GSDME: variants seen among roughly 807,000 people sequenced by gnomAD.
GSDME encodes gasdermin E.
Under a neutral mutation model 47.5 loss-of-function variants are expected in GSDME, and 44 were observed. That is an observed-to-expected ratio of 0.93 (90% confidence interval 0.73 to 1.19). The LOEUF is 1.19. Among genes scored for constraint, GSDME ranks in the 50% most tolerant of loss-of-function variants. The pLI is 0.00. For missense variants in GSDME, 663 were observed against 604.2 expected (o/e 1.10, Z -1.02); for synonymous variants, 258 against 252.8 (o/e 1.02, Z -0.20).
At position 24,743,650 on chromosome 7, in the gene GSDME, C is replaced by T. The variant is rs75321109; in HGVS notation, c.404+912G>A. ...GGCGCCCCACCCCTTTCAGCCCCTCCGACTCTCCTTTCCTGCCCTCCCCTT... is the reference window on the plus strand; with the variant it reads ...GGCGCCCCACCCCTTTCAGCCCCTCTGACTCTCCTTTCCTGCCCTCCCCTT... On this transcript the variant is annotated intron_variant, in intron 3 of 9. Coordinates refer to ENST00000645220, the MANE Select transcript of GSDME (RefSeq NM_001127453.2). 3.7e-3 allele frequency among the ~76,000 whole-genome samples: 568 copies of T among 152,284 alleles called. 4 individuals carry two copies. The highest frequency in any genetic ancestry group is 0.013 in the African/African-American group (538 of 41,546).
At chr7:24,722,182 T>C (rs1051291664) in intron 3 of GSDME, among the ~76,000 whole-genome samples, 1 of 152,198 alleles carries the variant, frequency 6.6e-6, no homozygotes, top group African/African-American at 2.4e-5. Context: ...TCAGGAAATA[T>C]TTTTGGAATA....
chr7:24,769,425 A>T, the GSDME span, among the ~76,000 whole-genome samples: 1 of 152,198 alleles, frequency 6.6e-6, no homozygotes, highest in Non-Finnish European at 1.5e-5. Flanking sequence ...ATTTTGAAAC[A>T]TGCCAGAGCA....
At chr7:24,729,067 GA>G (rs1464151267) in intron 3 of GSDME, among the ~76,000 whole-genome samples, 4 of 152,154 alleles carry the variant, frequency 2.6e-5, no homozygotes, top group African/African-American at 4.8e-5. Flanking sequence ...ACGACCCCTG[GA>G]AAGAGAAAGG....
chr7:24,767,708 A>T, the GSDME span, among the ~76,000 whole-genome samples: 1 of 152,128 alleles, frequency 6.6e-6, no homozygotes. This position sits in a 1 kb window ranked among gnomAD's most constrained non-coding sequence, Gnocchi z 5.3. Flanking sequence ...TCTGGGATAA[A>T]GTTAAATTAA....
rs1790219183 is a variant in GSDME, at chr7:24,733,834, C to G, written c.404+10728G>C. 6.6e-6 allele frequency among the ~76,000 whole-genome samples: 1 copy of G among 152,228 alleles called. No homozygotes were observed. The highest frequency in any genetic ancestry group is 1.5e-5 in the Non-Finnish European group (1 of 68,036). On this transcript the variant is annotated intron_variant, in intron 3 of 9. Transcript: ENST00000645220. The surrounding 1 kb of genome is among the most constrained non-coding windows in gnomAD (Gnocchi z 4.3). ...CTCCTGGACAGCATCTCTGGACCCA[C>G]CTGGGGCCCCAGGGAAATCACCTCA...
At chr7:24,759,877 A>C (rs2521772), upstream of GSDME, among the ~76,000 whole-genome samples, 1 of 151,934 alleles carries the variant, frequency 6.6e-6, no homozygotes, top group African/African-American at 2.4e-5. Context: ...TAACTTTTTT[A>C]AAAAAATAAT....
In GSDME at chr7:24,716,504, C is replaced by T. The variant is rs78127452; in HGVS notation, c.697+750G>A. 6.2e-3 allele frequency: 944 copies of T among 152,710 alleles called. 36 individuals are homozygous for T. The East Asian group carries it at 0.092, about 15-fold the overall frequency. The allele number at this position is 152,710 out of a possible 1,614,324, so 9.5% of individuals were successfully genotyped here. ...TTTACCCACTCATGTCCCTAAGGAG[C>T]GGTCACACAGCTTTCATGAGTGAAC... On this transcript the variant is annotated intron_variant, in intron 5 of 9. Coordinates refer to ENST00000645220, the MANE Select transcript of GSDME (RefSeq NM_001127453.2). This position sits in a 1 kb window ranked among gnomAD's most constrained non-coding sequence, Gnocchi z 4.5.
At position 24,716,999 on chromosome 7, in the gene GSDME, G is replaced by A; in HGVS notation, c.697+255C>T. 1.9e-6 allele frequency: 1 copy of A among 515,138 alleles called. No individual in the cohort carries two copies. Among genetic ancestry groups the A allele is most frequent in the Non-Finnish European group, 3.5e-6 (1 of 281,940 alleles). 31.9% of individuals were successfully genotyped at this position (515,138 alleles called of 1,614,324 possible). ...AGGACACAGCCCAGCCCTCTACTGTGCTGGTGGAACTTTGCCCCACACCAA... is the reference window on the plus strand; with the variant it reads ...AGGACACAGCCCAGCCCTCTACTGTACTGGTGGAACTTTGCCCCACACCAA... On this transcript the variant is annotated intron_variant, in intron 5 of 9. Coordinates refer to ENST00000645220, the MANE Select transcript of GSDME (RefSeq NM_001127453.2). The surrounding 1 kb of genome is among the most constrained non-coding windows in gnomAD (Gnocchi z 4.5).
upstream of GSDME, among the ~76,000 whole-genome samples, chr7:24,758,279 T>C (rs1486609535): frequency 6.6e-6 from 1 of 152,254 alleles, no homozygotes; most frequent in Non-Finnish European, 1.5e-5. This position sits in a 1 kb window ranked among gnomAD's most constrained non-coding sequence, Gnocchi z 4.6. Context: ...GAAGGCTGCA[T>C]TGGCATCACC....
chr7:24,787,126 C>A, the GSDME span, among the ~76,000 whole-genome samples: 1 of 152,134 alleles, frequency 6.6e-6, no homozygotes, highest in Non-Finnish European at 1.5e-5. The surrounding 1 kb of genome is among the most constrained non-coding windows in gnomAD (Gnocchi z 5.0). Flanking sequence ...TGAGGAAACA[C>A]GAGATACTGT....
At chr7:24,710,841 A>T (rs1377827639) in intron 5 of GSDME, among the ~76,000 whole-genome samples, 1 of 152,210 alleles carries the variant, frequency 6.6e-6, no homozygotes, top group East Asian at 1.9e-4. Context: ...ATGTTTCTAT[A>T]ATATATAGAA....
rs367797447 is a variant in GSDME, at chr7:24,742,863, A to G, written c.404+1699T>C. Reference sequence around the variant, plus strand: ...TCAAATACATTTCTAGTGTGTCCCAACAATTGCAGTTGAGAAGGAAAATGG... The same window carrying G: ...TCAAATACATTTCTAGTGTGTCCCAGCAATTGCAGTTGAGAAGGAAAATGG... On this transcript the variant is annotated intron_variant, in intron 3 of 9. Coordinates refer to ENST00000645220, the MANE Select transcript of GSDME (RefSeq NM_001127453.2). This position sits in a 1 kb window ranked among gnomAD's most constrained non-coding sequence, Gnocchi z 4.4. Among the ~76,000 whole-genome samples the G allele has an allele frequency of 9.8e-5, 15 of 152,358 alleles. 1 individual carries two copies. Among genetic ancestry groups the G allele is most frequent in the Admixed American group, 7.2e-4 (11 of 15,304 alleles).
At chr7:24,753,433 T>C (rs1487122926) in intron 1 of GSDME, among the ~76,000 whole-genome samples, 1 of 152,244 alleles carries the variant, frequency 6.6e-6, no homozygotes. Flanking sequence ...ACTTGGGTTA[T>C]TTCTAAATTT....
At chr7:24,753,683 G>C (rs1325994465) in intron 1 of GSDME, among the ~76,000 whole-genome samples, 1 of 152,150 alleles carries the variant, frequency 6.6e-6, no homozygotes, top group Non-Finnish European at 1.5e-5. Flanking sequence ...GGTGAGAAAT[G>C]GAATCTCAGC....
chr7:24,791,491 A>T, the GSDME span, among the ~76,000 whole-genome samples: 8 of 152,340 alleles, frequency 5.3e-5, no homozygotes, highest in East Asian at 1.5e-3. This position sits in a 1 kb window ranked among gnomAD's most constrained non-coding sequence, Gnocchi z 4.8. Flanking sequence ...AAGGGCTGAC[A>T]GATGCAAGAT....
chr7:24,708,814 C>A (rs114359887), intron 6 of GSDME, among the ~76,000 whole-genome samples: 1,708 of 152,350 alleles, frequency 0.011, 38 homozygotes, highest in African/African-American at 0.039. Flanking sequence ...AGTCCTCAAG[C>A]TGAGCACTGA....
upstream of GSDME, among the ~76,000 whole-genome samples, chr7:24,761,799 A>G (rs1292125860): frequency 6.6e-6 from 1 of 152,224 alleles, no homozygotes; most frequent in Non-Finnish European, 1.5e-5. The surrounding 1 kb of genome is among the most constrained non-coding windows in gnomAD (Gnocchi z 4.4). Context: ...AACAAGGCAG[A>G]AGCTAGAAGT....
At chr7:24,755,708 A>C (rs1482725386) in intron 1 of GSDME, among the ~76,000 whole-genome samples, 1 of 152,176 alleles carries the variant, frequency 6.6e-6, no homozygotes, top group Non-Finnish European at 1.5e-5. Flanking sequence ...TGTGCCCTTG[A>C]CCACTCTACT....
the GSDME span, among the ~76,000 whole-genome samples, chr7:24,778,256 T>C: frequency 4.0e-5 from 6 of 151,730 alleles, no homozygotes; most frequent in Non-Finnish European, 7.4e-5. The surrounding 1 kb of genome is among the most constrained non-coding windows in gnomAD (Gnocchi z 5.6). Flanking sequence ...CCCAGGGGCC[T>C]TTGTAACAAA....
Sources: gnomAD v4.1 joint callset for allele counts (sites outside exome capture counted in the v4.1 genomes callset) on GRCh38, gnomAD v4.1.1 for gene constraint, Gnocchi (gnomAD v3.1) non-coding constraint, MANE v1.5 for transcripts, NCBI Gene and HGNC (gene_info 2026-07-23, HGNC 2026-07-21) for gene names.